Variants in ESRRG observed in about 807,000 individuals in gnomAD.
ESRRG encodes the protein estrogen related receptor gamma.
Under a neutral mutation model 44.0 loss-of-function variants are expected in ESRRG, and 13 were observed. The observed-to-expected ratio is 0.30, with a 90% confidence interval of 0.19 to 0.47. ESRRG has a LOEUF of 0.47. Ranked by LOEUF, ESRRG falls within the 20% of genes least tolerant of loss-of-function variation. The pLI is 1.00. For missense variants in ESRRG, 395 were observed against 580.6 expected, an observed-to-expected ratio of 0.68 and a Z score of 3.29; for synonymous variants, 215 against 214.6, an observed-to-expected ratio of 1.00 and a Z score of -0.02.
At chr1:217,111,171 G>A (rs12071371) in intron 1 of ESRRG, among the ~76,000 whole-genome samples, 24,530 of 152,074 alleles carry the variant, frequency 0.16, 2,234 homozygotes, top group Middle Eastern at 0.24. Context: ...TACCATCAGA[G>A]GTTCACTGAA....
chr1:216,945,106 A>C (rs10863283), intron 1 of ESRRG, among the ~76,000 whole-genome samples: 25,516 of 152,192 alleles, frequency 0.17, 2,336 homozygotes, highest in Middle Eastern at 0.26. Flanking sequence ...ATGATGTGAA[A>C]TAAATGAGAG....
chr1:216,529,516 T>C (rs1329153869), intron 5 of ESRRG, among the ~76,000 whole-genome samples: 1 of 152,172 alleles, frequency 6.6e-6, no homozygotes, highest in African/African-American at 2.4e-5. Flanking sequence ...AAAATGTCAT[T>C]TGTCGGGCTT....
intron 1 of ESRRG, among the ~76,000 whole-genome samples, chr1:216,957,026 T>TA (rs1391919159): frequency 2.6e-5 from 4 of 152,192 alleles, no homozygotes; most frequent in Non-Finnish European, 5.9e-5. Context: ...ATATTAAAAA[T>TA]ATTGACTGGT....
intron 2 of ESRRG, among the ~76,000 whole-genome samples, chr1:216,763,353 A>G (rs913033296): frequency 1.3e-5 from 2 of 152,156 alleles, no homozygotes; most frequent in Non-Finnish European, 2.9e-5. Context: ...TAGAAAAAAC[A>G]AAAAACAAAC....
chr1:217,135,607 C>T (rs1009044264), intron 1 of ESRRG, among the ~76,000 whole-genome samples: 1 of 152,010 alleles, frequency 6.6e-6, no homozygotes, highest in African/African-American at 2.4e-5. Context: ...CCCGCGCGCG[C>T]GAAGCGGGGT....
intron 1 of ESRRG, among the ~76,000 whole-genome samples, chr1:216,974,511 A>G (rs1011712800): frequency 6.6e-6 from 1 of 152,190 alleles, no homozygotes; most frequent in Non-Finnish European, 1.5e-5. Flanking sequence ...GATTCATAAT[A>G]TTTTTATTCC....
At chr1:216,948,519 AT>A (rs2066452947) in intron 1 of ESRRG, among the ~76,000 whole-genome samples, 1 of 151,364 alleles carries the variant, frequency 6.6e-6, no homozygotes, top group Non-Finnish European at 1.5e-5. Context: ...AGGGGACCTA[AT>A]ATTAGCTAAT....
At chr1:217,052,307 G>A (rs1034894651) in intron 1 of ESRRG, among the ~76,000 whole-genome samples, 2 of 152,168 alleles carry the variant, frequency 1.3e-5, no homozygotes, top group South Asian at 2.1e-4. Flanking sequence ...ATTCAAAACA[G>A]ATCAACTTTA....
chr1:216,602,074 C>A (rs2059331968), intron 3 of ESRRG, among the ~76,000 whole-genome samples: 2 of 152,134 alleles, frequency 1.3e-5, no homozygotes, highest in Admixed American at 1.3e-4. Context: ...TAAATCCTAG[C>A]CTTTCTGTGT....
chr1:217,027,605 G>T (rs529569815), intron 1 of ESRRG, among the ~76,000 whole-genome samples: 3 of 152,104 alleles, frequency 2.0e-5, no homozygotes, highest in South Asian at 4.1e-4. Context: ...GCAGAGAGCC[G>T]CAAACCACAC....
chr1:216,733,340 G>A (rs2089246770), intron 2 of ESRRG, among the ~76,000 whole-genome samples: 1 of 150,926 alleles, frequency 6.6e-6, no homozygotes, highest in African/African-American at 2.4e-5. Flanking sequence ...GCCACATGTT[G>A]CTTTCCCTAT....
At chr1:216,769,605 C>T (rs2093290495) in intron 2 of ESRRG, among the ~76,000 whole-genome samples, 1 of 151,996 alleles carries the variant, frequency 6.6e-6, no homozygotes, top group Admixed American at 6.6e-5. Context: ...GGAGCATTTA[C>T]ATAGTCAAGA....
chr1:216,778,920 A>C (rs2093714537), intron 2 of ESRRG, among the ~76,000 whole-genome samples: 1 of 150,892 alleles, frequency 6.6e-6, no homozygotes. Context: ...ACAGGTTCTC[A>C]GGGGAACACA....
At chr1:217,029,273 T>C (rs2081676127) in intron 1 of ESRRG, among the ~76,000 whole-genome samples, 1 of 152,034 alleles carries the variant, frequency 6.6e-6, no homozygotes, top group Non-Finnish European at 1.5e-5. Context: ...ATAAGAAAAA[T>C]TGATTAGCAG....
intron 1 of ESRRG, among the ~76,000 whole-genome samples, chr1:216,681,388 C>T (rs1022395938): frequency 1.8e-4 from 28 of 152,036 alleles, no homozygotes; most frequent in African/African-American, 4.6e-4. Flanking sequence ...TGGTGTGCTG[C>T]ACCCATTAAC....
At position 216,736,159 on chromosome 1, in the gene ESRRG, C is replaced by G. The variant is rs150405046; in HGVS notation, c.-13-58668G>C. ...ATGATCCATCCAAAATATGGTGCTT[C>G]TAAGGAGTTAAGGACTATTTTTTTT... On this transcript the variant is annotated intron_variant, in intron 2 of 7. Transcript: ENST00000359162. Among the ~76,000 whole-genome samples the G allele has an allele frequency of 3.2e-3, 473 of 145,646 alleles. 2 individuals carry two copies. The highest frequency in any genetic ancestry group is 5.5e-3 in the Non-Finnish European group (368 of 66,718).
chr1:216,642,896 C>T (rs2066735101), intron 3 of ESRRG, among the ~76,000 whole-genome samples: 1 of 152,242 alleles, frequency 6.6e-6, no homozygotes, highest in Admixed American at 6.5e-5. Flanking sequence ...TAAGCAAAAA[C>T]AAATCCACTT....
chr1:216,757,704 AAATAC>A (rs2152326219), intron 2 of ESRRG, among the ~76,000 whole-genome samples: 1 of 152,186 alleles, frequency 6.6e-6, no homozygotes, highest in Admixed American at 6.6e-5. Flanking sequence ...AGGTATTAGC[AAATAC>A]CTATGGTCTA....
intron 1 of ESRRG, among the ~76,000 whole-genome samples, chr1:216,948,723 C>T (rs1003316337): frequency 1.3e-5 from 2 of 152,026 alleles, no homozygotes; most frequent in Non-Finnish European, 2.9e-5. Flanking sequence ...TGTTACAAAA[C>T]CAGATGGTTC....
Sources: allele counts gnomAD v4.1 joint callset (sites outside exome capture counted in the v4.1 genomes callset), GRCh38; gene constraint gnomAD v4.1.1; transcripts MANE v1.5; gene names NCBI Gene and HGNC (gene_info 2026-07-23, HGNC 2026-07-21).